SUCLG2: variants seen among roughly 807,000 people sequenced by gnomAD.
SUCLG2 encodes the protein succinate--CoA ligase [GDP-forming] subunit beta, mitochondrial.
SUCLG2 carries 42 observed loss-of-function variants against 47.9 expected under a neutral mutation model. The ratio of observed to expected loss-of-function variants is 0.88; its 90% CI spans 0.69 to 1.14. SUCLG2 has a LOEUF of 1.14. SUCLG2 is among the 50% of genes most tolerant of loss of function. SUCLG2 has a pLI of 0.00. For synonymous variants in SUCLG2, 195 were observed against 197.3 expected (o/e 0.99, Z 0.10); for missense variants, 571 against 525.9 (o/e 1.09, Z -0.84).
At chr3:67,587,352 T>C (rs995425015) in intron 2 of SUCLG2, among the ~76,000 whole-genome samples, 1 of 152,220 alleles carries the variant, frequency 6.6e-6, no homozygotes, top group Non-Finnish European at 1.5e-5. Context: ...GCTAAGCACA[T>C]TGGAATAAAT....
intron 2 of SUCLG2, among the ~76,000 whole-genome samples, chr3:67,589,190 C>T (rs1402203391): frequency 6.6e-6 from 1 of 152,198 alleles, no homozygotes; most frequent in Non-Finnish European, 1.5e-5. Context: ...ATGTCATTTC[C>T]ACAGGGAAGA....
At chr3:67,397,798 C>G (rs972617970) in intron 10 of SUCLG2, among the ~76,000 whole-genome samples, 1 of 152,150 alleles carries the variant, frequency 6.6e-6, no homozygotes, top group African/African-American at 2.4e-5. Flanking sequence ...ACCAAAACAG[C>G]ATGGTACTGG....
intron 9 of SUCLG2, among the ~76,000 whole-genome samples, chr3:67,404,403 G>C (rs979768857): frequency 6.6e-6 from 1 of 151,448 alleles, no homozygotes; most frequent in Non-Finnish European, 1.5e-5. Context: ...GAACACAAAA[G>C]AATAAGAGAG....
At chr3:67,651,076 T>A (rs1701277355) in intron 1 of SUCLG2, among the ~76,000 whole-genome samples, 1 of 152,204 alleles carries the variant, frequency 6.6e-6, no homozygotes, top group Non-Finnish European at 1.5e-5. Flanking sequence ...TTGGAAAGAC[T>A]TCTAACCATG....
chr3:67,552,164 C>G (rs1242173939), intron 2 of SUCLG2, among the ~76,000 whole-genome samples: 1 of 118,206 alleles, frequency 8.5e-6, no homozygotes, highest in Non-Finnish European at 1.6e-5. Context: ...CAGAGCAAAA[C>G]TCCATCTCAA....
intron 9 of SUCLG2, among the ~76,000 whole-genome samples, chr3:67,413,221 T>C (rs915304802): frequency 6.6e-6 from 1 of 152,212 alleles, no homozygotes; most frequent in African/African-American, 2.4e-5. Flanking sequence ...AAATGACAGA[T>C]GATGGCTTGT....
At position 67,561,007 on chromosome 3, in the gene SUCLG2, G is replaced by C. The variant is rs185138653; in HGVS notation, c.227-31821C>G. Among the ~76,000 whole-genome samples the C allele has an allele frequency of 2.3e-3, 345 of 147,208 alleles. 3 individuals are homozygous for C. Among genetic ancestry groups the C allele is most frequent in the Non-Finnish European group, 2.5e-3 (170 of 67,234 alleles). On this transcript the variant is annotated intron_variant, in intron 2 of 10. Transcript: ENST00000307227. ...ACAAACTCAGCAAGTTAATACTAAC[G>C]CAATTGTGTACTTTGCTCATCTAGA...
At chr3:67,539,035 T>C (rs1480397214) in intron 2 of SUCLG2, among the ~76,000 whole-genome samples, 3 of 152,236 alleles carry the variant, frequency 2.0e-5, no homozygotes, top group Non-Finnish European at 4.4e-5. Context: ...CTCTTCCTAT[T>C]TGAATACCTT....
chr3:67,467,821 G>A lies in SUCLG2; in HGVS notation c.1062+27977C>T, dbSNP rs115455603. ...CAGGAAAAAAAAAATGAGACTTAGA[G>A]GAGTTAACTCACTTGGGAAAGTCAC... On this transcript the variant is annotated intron_variant, in intron 9 of 10. Coordinates refer to ENST00000307227, the MANE Select transcript of SUCLG2 (RefSeq NM_003848.4). Among the ~76,000 whole-genome samples, 1,075 of 152,132 alleles carry A rather than the reference G, an allele frequency of 7.1e-3. 7 individuals carry two copies. The highest frequency in any genetic ancestry group is 0.025 in the African/African-American group (1,021 of 41,492).
At chr3:67,394,821 C>T (rs1408244531) in intron 10 of SUCLG2, among the ~76,000 whole-genome samples, 1 of 151,936 alleles carries the variant, frequency 6.6e-6, no homozygotes, top group Non-Finnish European at 1.5e-5. Flanking sequence ...AACAGCGGAT[C>T]TCTCGGCAGA....
chr3:67,556,364 C>A (rs1345507961), intron 2 of SUCLG2, among the ~76,000 whole-genome samples: 1 of 152,094 alleles, frequency 6.6e-6, no homozygotes, highest in Non-Finnish European at 1.5e-5. Flanking sequence ...GAAATACATA[C>A]CCACAATGTT....
intron 2 of SUCLG2, among the ~76,000 whole-genome samples, chr3:67,544,525 C>T (rs902374543): frequency 1.3e-5 from 2 of 152,118 alleles, no homozygotes; most frequent in African/African-American, 4.8e-5. Flanking sequence ...CTGAGGCCTC[C>T]CCAGCCACGC....
downstream of SUCLG2, among the ~76,000 whole-genome samples, chr3:67,370,307 T>C (rs537965902): frequency 8.5e-5 from 13 of 152,326 alleles, no homozygotes; most frequent in African/African-American, 2.6e-4. Context: ...TGTTTCAAGA[T>C]AGAGTCATGC....
intron 9 of SUCLG2, among the ~76,000 whole-genome samples, chr3:67,455,279 C>T (rs1312107327): frequency 6.6e-6 from 1 of 152,140 alleles, no homozygotes; most frequent in Non-Finnish European, 1.5e-5. Context: ...ATTGTAGATG[C>T]CTCTGGCCCA....
At chr3:67,574,408 C>A (rs1707692078) in intron 2 of SUCLG2, among the ~76,000 whole-genome samples, 1 of 152,188 alleles carries the variant, frequency 6.6e-6, no homozygotes, top group East Asian at 1.9e-4. Flanking sequence ...ATCGAGAGGC[C>A]AGAAATAAAT....
Position 67,654,546 on chromosome 3 carries a change from C to G in SUCLG2, c.41G>C (p.Arg14Pro). ...PVAAQAGKLL[R>P]ALALRPRFLA... ...GAAGCGGGGCCGCAGCGCTAGGGCTCGCAGAAGCTTCCCGGCCTGCGCTGC... is the reference window on the plus strand; with the variant it reads ...GAAGCGGGGCCGCAGCGCTAGGGCTGGCAGAAGCTTCCCGGCCTGCGCTGC... Residue 14 changes from arginine to proline, a missense_variant, in exon 1 of 11, where the codon CGA becomes CCA. Arg to Pro is a moderately radical substitution (Grantham distance 103, BLOSUM62 -2). Transcript: ENST00000307227. 7.9e-7 allele frequency: 1 copy of G among 1,267,940 alleles called. No homozygotes were observed. The highest frequency in any genetic ancestry group is 2.8e-4 in the Middle Eastern group (1 of 3,550). 78.5% of individuals were successfully genotyped at this position (1,267,940 alleles called of 1,614,324 possible).
At chr3:67,376,098 A>C (rs566005567) in intron 10 of SUCLG2, 1 of 985,496 alleles carries the variant, frequency 1.0e-6, no homozygotes, top group South Asian at 4.7e-5. Context: ...AACATATTTT[A>C]CTGATGGAAG....
chr3:67,373,203 A>C (rs947280194), downstream of SUCLG2, among the ~76,000 whole-genome samples: 2 of 152,162 alleles, frequency 1.3e-5, no homozygotes, highest in Non-Finnish European at 2.9e-5. Context: ...GTGAAAAAAT[A>C]ATATTCCTTC....
At chr3:67,626,015 T>C (rs1284869639) in intron 1 of SUCLG2, among the ~76,000 whole-genome samples, 1 of 141,312 alleles carries the variant, frequency 7.1e-6, no homozygotes, top group East Asian at 2.1e-4. Flanking sequence ...TACATATATA[T>C]ATATTTACAT....
Sources: gnomAD v4.1 joint callset for allele counts (sites outside exome capture counted in the v4.1 genomes callset) on GRCh38, gnomAD v4.1.1 for gene constraint, MANE v1.5 for transcripts, NCBI Gene and HGNC (gene_info 2026-07-23, HGNC 2026-07-21) for gene names.